Variants in ARHGAP15 observed in about 807,000 individuals in gnomAD.
The protein encoded by ARHGAP15 is Rho GTPase activating protein 15, also known as rho GTPase-activating protein 15.
ARHGAP15 carries 51 observed loss-of-function variants against 63.7 expected under a neutral mutation model. That is an observed-to-expected ratio of 0.80 (90% CI 0.64 to 1.01). The LOEUF (loss-of-function observed/expected upper bound fraction) is 1.01, where lower values mean the gene tolerates loss of function less well. Among genes scored for constraint, ARHGAP15 ranks in the 50% least tolerant of loss-of-function variants. The pLI is 0.00. For synonymous variants in ARHGAP15, 191 were observed against 193.8 expected (o/e 0.99, Z 0.12); for missense variants, 560 against 564.6 (o/e 0.99, Z 0.08).
chr2:143,331,912 T>C (rs1684566089), intron 6 of ARHGAP15, among the ~76,000 whole-genome samples: 1 of 152,172 alleles, frequency 6.6e-6, no homozygotes, highest in African/African-American at 2.4e-5. Context: ...GTTTCTACTA[T>C]CCAGAGCCAT....
intron 6 of ARHGAP15, among the ~76,000 whole-genome samples, chr2:143,350,662 TAAAAAAAA>T (rs34082157): frequency 7.1e-5 from 9 of 126,546 alleles, no homozygotes; most frequent in Admixed American, 3.1e-4. Context: ...TATTAAAAAT[TAAAAAAAA>T]AAAAAAAAGA....
intron 2 of ARHGAP15, among the ~76,000 whole-genome samples, chr2:143,201,004 A>C (rs574407179): frequency 6.6e-6 from 1 of 152,252 alleles, no homozygotes; most frequent in Non-Finnish European, 1.5e-5. Context: ...GCACAACAGG[A>C]ATAGCTTGTT....
At chr2:143,424,042 A>G (rs1689042217) in intron 6 of ARHGAP15, among the ~76,000 whole-genome samples, 1 of 152,128 alleles carries the variant, frequency 6.6e-6, no homozygotes, top group African/African-American at 2.4e-5. Context: ...CATGTGACAG[A>G]TATGGATTTA....
chr2:143,613,981 T>C (rs1574710805), intron 11 of ARHGAP15, among the ~76,000 whole-genome samples: 1 of 152,166 alleles, frequency 6.6e-6, no homozygotes, highest in East Asian at 1.9e-4. Context: ...TTTTCTATCC[T>C]CAACACCCTG....
intron 13 of ARHGAP15, among the ~76,000 whole-genome samples, chr2:143,733,900 A>T (rs1298260243): frequency 6.6e-6 from 1 of 152,222 alleles, no homozygotes; most frequent in African/African-American, 2.4e-5. Context: ...AAATTTTCTT[A>T]AAAAATTATT....
intron 13 of ARHGAP15, among the ~76,000 whole-genome samples, chr2:143,709,139 A>G (rs1684461958): frequency 6.6e-6 from 1 of 152,180 alleles, no homozygotes; most frequent in African/African-American, 2.4e-5. Context: ...AATAATACAT[A>G]ATTATGGAAA....
chr2:143,753,045 C>T (rs964826152), intron 13 of ARHGAP15, among the ~76,000 whole-genome samples: 28 of 152,208 alleles, frequency 1.8e-4, no homozygotes, highest in Middle Eastern at 3.4e-3. Context: ...CTCAGCAGGT[C>T]GAGGCGGGAA....
chr2:143,451,321 T>TACTG (rs1166090058), intron 8 of ARHGAP15, among the ~76,000 whole-genome samples: 1 of 151,946 alleles, frequency 6.6e-6, no homozygotes, highest in African/African-American at 2.4e-5. Flanking sequence ...ACAGAAGCTA[T>TACTG]ACTGATTATT....
intron 2 of ARHGAP15, among the ~76,000 whole-genome samples, chr2:143,172,507 A>G (rs1330157097): frequency 2.0e-5 from 3 of 152,148 alleles, no homozygotes; most frequent in Non-Finnish European, 4.4e-5. Context: ...TCTCTATTCA[A>G]TAAATCGTGG....
intron 2 of ARHGAP15, among the ~76,000 whole-genome samples, chr2:143,165,229 T>G (rs1690453687): frequency 6.6e-6 from 1 of 152,210 alleles, no homozygotes; most frequent in African/African-American, 2.4e-5. Flanking sequence ...ACCAAAGTAC[T>G]GATCTCTTTT....
At chr2:143,748,495 A>G (rs1388663190) in intron 13 of ARHGAP15, among the ~76,000 whole-genome samples, 1 of 152,206 alleles carries the variant, frequency 6.6e-6, no homozygotes, top group African/African-American at 2.4e-5. Context: ...GACAGCACAC[A>G]GGAGGCTTTG....
chr2:143,708,815 A>AT (rs1165692529), intron 13 of ARHGAP15, among the ~76,000 whole-genome samples: 1 of 152,088 alleles, frequency 6.6e-6, no homozygotes, highest in Non-Finnish European at 1.5e-5. Flanking sequence ...TCTCAGAGTG[A>AT]TTTTCATGAT....
intron 6 of ARHGAP15, among the ~76,000 whole-genome samples, chr2:143,384,859 G>A (rs916901441): frequency 9.2e-5 from 14 of 152,124 alleles, no homozygotes; most frequent in Non-Finnish European, 1.5e-4. Flanking sequence ...CCCATTATGG[G>A]GGTTGGGGGG....
intron 5 of ARHGAP15, among the ~76,000 whole-genome samples, chr2:143,231,553 G>C (rs2104918544): frequency 6.6e-6 from 1 of 152,174 alleles, no homozygotes; most frequent in East Asian, 1.9e-4. Context: ...TCTTCCTTTG[G>C]CTCTTACCCT....
At chr2:143,760,422 T>C (rs1440973137) in intron 13 of ARHGAP15, among the ~76,000 whole-genome samples, 2 of 152,182 alleles carry the variant, frequency 1.3e-5, no homozygotes, top group Non-Finnish European at 2.9e-5. Flanking sequence ...ATTTTATCTG[T>C]GGTTGTTATC....
intron 11 of ARHGAP15, among the ~76,000 whole-genome samples, chr2:143,616,891 CTTGAG>C (rs572698652): frequency 1.7e-4 from 26 of 152,270 alleles, no homozygotes; most frequent in South Asian, 1.0e-3. Flanking sequence ...GTTGATTGGA[CTTGAG>C]TTGAGTTTTT....
chr2:143,492,950 C>T (rs13027458), intron 9 of ARHGAP15, among the ~76,000 whole-genome samples: 28,564 of 151,434 alleles, frequency 0.19, 3,274 homozygotes, highest in East Asian at 0.48. Flanking sequence ...CCCAGCTACT[C>T]GGGAGGCTGA....
chr2:143,309,806 A>G (rs946462044), intron 6 of ARHGAP15, among the ~76,000 whole-genome samples: 2 of 152,024 alleles, frequency 1.3e-5, no homozygotes, highest in African/African-American at 4.8e-5. Flanking sequence ...TCAAGTTGTA[A>G]CAACCAAAAA....
rs190307340 is a variant in ARHGAP15 at position 143,304,543 on chromosome 2, T to C, written c.474+53943T>C. Among the ~76,000 whole-genome samples, 562 of 152,208 alleles carry C rather than the reference T, an allele frequency of 3.7e-3. 6 individuals are homozygous for C. Among genetic ancestry groups the C allele is most frequent in the African/African-American group, 0.012 (517 of 41,550 alleles). ...GGGTGCAGCACACCAACATGCCACA[T>C]GTATACATATGGAACAAACCTGCAT... On this transcript the variant is annotated intron_variant, in intron 6 of 13. Transcript: ENST00000295095.
Sources: allele counts gnomAD v4.1 joint callset (sites outside exome capture counted in the v4.1 genomes callset), GRCh38; gene constraint gnomAD v4.1.1; transcripts MANE v1.5; gene names NCBI Gene and HGNC (gene_info 2026-07-23, HGNC 2026-07-21).